Variants in ANKRD6 observed in about 807,000 individuals in gnomAD.
The protein encoded by ANKRD6 is ankyrin repeat domain-containing protein 6.
A neutral mutation model predicts 82.3 loss-of-function variants in ANKRD6; 56 were observed. The observed-to-expected ratio is 0.68, with a 90% CI of 0.55 to 0.85. The LOEUF is 0.85. Ranked by LOEUF, ANKRD6 falls within the 40% of genes least tolerant of loss-of-function variation. The pLI, the probability that ANKRD6 is intolerant of heterozygous loss-of-function variation, is 0.00. For synonymous variants in ANKRD6, 347 were observed against 352.1 expected, an observed-to-expected ratio of 0.99 and a Z score of 0.16; for missense variants, 852 against 907.6, an observed-to-expected ratio of 0.94 and a Z score of 0.79.
At chr6:89,522,578 C>A (rs904990059) in intron 1 of ANKRD6, among the ~76,000 whole-genome samples, 1 of 152,138 alleles carries the variant, frequency 6.6e-6, no homozygotes, top group African/African-American at 2.4e-5. Context: ...TATGTGCCAG[C>A]CCTGTTTCGT....
At chr6:89,550,450 C>T (rs940730057) in intron 1 of ANKRD6, among the ~76,000 whole-genome samples, 3 of 151,892 alleles carry the variant, frequency 2.0e-5, no homozygotes, top group African/African-American at 4.8e-5. Context: ...TGTGTAGTTC[C>T]GTCCATATAA....
intron 2 of ANKRD6, among the ~76,000 whole-genome samples, chr6:89,589,599 C>T (rs1794476243): frequency 6.6e-6 from 1 of 152,224 alleles, no homozygotes. Flanking sequence ...GAATTGGCCT[C>T]TTCAGAGTGA....
chr6:89,496,364 T>G (rs1778621761), intron 1 of ANKRD6, among the ~76,000 whole-genome samples: 1 of 152,080 alleles, frequency 6.6e-6, no homozygotes, highest in Non-Finnish European at 1.5e-5. Flanking sequence ...ATCCTGTTGA[T>G]AACAAGCTTG....
At chr6:89,607,424 A>G (rs16881991) in intron 5 of ANKRD6, among the ~76,000 whole-genome samples, 3,244 of 152,274 alleles carry the variant, frequency 0.021, 82 homozygotes, top group South Asian at 0.13. Flanking sequence ...TTTGAAAATA[A>G]TGCTTTCCAC....
At chr6:89,439,545 A>C (rs1771094350) in intron 1 of ANKRD6, among the ~76,000 whole-genome samples, 1 of 152,204 alleles carries the variant, frequency 6.6e-6, no homozygotes, top group Non-Finnish European at 1.5e-5. Context: ...GAAAGATCCC[A>C]AGACCCAGTT....
chr6:89,477,272 A>G (rs1413575898), intron 1 of ANKRD6, among the ~76,000 whole-genome samples: 2 of 151,888 alleles, frequency 1.3e-5, no homozygotes, highest in African/African-American at 4.8e-5. Flanking sequence ...TTCTGGTGAA[A>G]GTAATTTGAA....
At chr6:89,504,165 A>C (rs912659708) in intron 1 of ANKRD6, among the ~76,000 whole-genome samples, 2 of 150,358 alleles carry the variant, frequency 1.3e-5, no homozygotes, top group African/African-American at 4.9e-5. Context: ...GAACGGAAAC[A>C]GAAAGACCAG....
intron 1 of ANKRD6, among the ~76,000 whole-genome samples, chr6:89,544,717 A>G (rs1421460578): frequency 6.6e-6 from 1 of 151,966 alleles, no homozygotes; most frequent in African/African-American, 2.4e-5. Flanking sequence ...CTATGTCCAA[A>G]AAAACCCCAA....
rs1196610897 is a variant in ANKRD6, at chr6:89,630,487, C to T, written c.1667C>T (p.Pro556Leu). ...CCAGCAGCAGCTTCCGACAGCTCCC[C>T]TCCAGTGGTTAGGCCCAAAGAGAAG... ...AGPAAASDSSPPVVRPKEKAL... is the reference protein window; with the variant it reads ...AGPAAASDSSLPVVRPKEKAL... The change falls in exon 16 of 16, where the codon CCT becomes CTT. Residue 556 changes from proline (P) to leucine (L), a missense_variant. Transcript: ENST00000339746. 1.6e-5 allele frequency: 26 copies of T among 1,613,928 alleles called. No homozygotes were observed. The East Asian group carries it at 2.9e-4, about 18-fold the overall frequency.
chr6:89,631,183 C>T lies in ANKRD6; in HGVS notation c.*179C>T, dbSNP rs79928303. On this transcript the variant is annotated 3_prime_UTR_variant, in exon 16 of 16. Transcript: ENST00000339746. ...TATGCCCAGGAAGTTATGAAGACTT[C>T]AACAATTAAACTGAAACCAGGGGAA... The T allele has an allele frequency of 2.6e-6, 3 of 1,163,386 alleles. No individual in the cohort carries two copies. In the African/African-American group the frequency reaches 4.7e-5, roughly 18 times the overall value. The allele number at this position is 1,163,386 out of a possible 1,614,324, so 72.1% of individuals were successfully genotyped here.
chr6:89,547,197 TGG>T (rs60850985), intron 1 of ANKRD6, among the ~76,000 whole-genome samples: 23 of 149,664 alleles, frequency 1.5e-4, no homozygotes, highest in African/African-American at 3.9e-4. Context: ...ACTTGTTATT[TGG>T]GGGGGGGGTT....
chr6:89,437,409 T>A (rs1275145295), intron 1 of ANKRD6, among the ~76,000 whole-genome samples: 1 of 152,196 alleles, frequency 6.6e-6, no homozygotes, highest in African/African-American at 2.4e-5. Flanking sequence ...AGTCCCAGAA[T>A]GAACATCTTG....
At chr6:89,541,387 C>CTT (rs58643589) in intron 1 of ANKRD6, among the ~76,000 whole-genome samples, 3,067 of 64,174 alleles carry the variant, frequency 0.048, 291 homozygotes, top group Admixed American at 0.059. Context: ...TTACGTGTGG[C>CTT]TTTTTTTTTT....
At chr6:89,435,423 A>G (rs1408696573) in intron 1 of ANKRD6, among the ~76,000 whole-genome samples, 2 of 151,978 alleles carry the variant, frequency 1.3e-5, no homozygotes, top group Non-Finnish European at 2.9e-5. Context: ...TATATGAAAA[A>G]CCCTGAGGAA....
At chr6:89,454,602 G>A (rs1773280952) in intron 1 of ANKRD6, among the ~76,000 whole-genome samples, 1 of 152,168 alleles carries the variant, frequency 6.6e-6, no homozygotes, top group Non-Finnish European at 1.5e-5. Context: ...ACTTCATGTT[G>A]TTTCTCAAAG....
chr6:89,549,950 G>A (rs1785616314), intron 1 of ANKRD6, among the ~76,000 whole-genome samples: 1 of 151,914 alleles, frequency 6.6e-6, no homozygotes, highest in Admixed American at 6.6e-5. Flanking sequence ...AAAAAAATTA[G>A]CCAGACTTGG....
intron 2 of ANKRD6, among the ~76,000 whole-genome samples, chr6:89,586,699 GA>G (rs1309101892): frequency 6.6e-6 from 1 of 151,914 alleles, no homozygotes; most frequent in Non-Finnish European, 1.5e-5. Flanking sequence ...GAGAAAAAAA[GA>G]AAATGTAGTC....
chr6:89,434,833 G>A (rs1770426904), intron 1 of ANKRD6, among the ~76,000 whole-genome samples: 2 of 152,082 alleles, frequency 1.3e-5, no homozygotes, highest in Non-Finnish European at 2.9e-5. Context: ...TTAAAAATTA[G>A]GGATACAAAT....
chr6:89,489,603 T>C (rs566396290), intron 1 of ANKRD6, among the ~76,000 whole-genome samples: 22 of 152,296 alleles, frequency 1.4e-4, no homozygotes, highest in South Asian at 1.0e-3. Context: ...AAAAACATCA[T>C]TGGAAAAGAG....
Sources: gnomAD v4.1 joint callset for allele counts (sites outside exome capture counted in the v4.1 genomes callset) on GRCh38, gnomAD v4.1.1 for gene constraint, MANE v1.5 for transcripts, NCBI Gene and HGNC (gene_info 2026-07-23, HGNC 2026-07-21) for gene names.